Variants in PLPPR1 observed in about 807,000 individuals in gnomAD.
The protein encoded by PLPPR1 is phospholipid phosphatase-related protein type 1.
Under a neutral mutation model 33.1 loss-of-function variants are expected in PLPPR1, and 10 were observed. That is an observed-to-expected ratio of 0.30 (90% CI 0.19 to 0.51). The LOEUF (loss-of-function observed/expected upper bound fraction) is 0.51, where lower values mean the gene tolerates loss of function less well. PLPPR1 is among the 20% of genes least tolerant of loss of function. PLPPR1 has a pLI of 0.97. For missense variants in PLPPR1, 304 were observed against 408.1 expected (o/e 0.74, Z 2.20); for synonymous variants, 151 against 151.0 (o/e 1.00, Z 0.00).
chr9:101,071,139 T>A (rs771910505), intron 1 of PLPPR1, among the ~76,000 whole-genome samples: 47 of 152,212 alleles, frequency 3.1e-4, no homozygotes, highest in Non-Finnish European at 2.6e-4. Context: ...GGTGACAATG[T>A]CAGCCTGCCC....
chr9:101,231,951 A>T (rs937602552), intron 2 of PLPPR1, among the ~76,000 whole-genome samples: 1 of 152,036 alleles, frequency 6.6e-6, no homozygotes, highest in Non-Finnish European at 1.5e-5. Flanking sequence ...ATTCTTGATC[A>T]TCAAATTATG....
intron 2 of PLPPR1, among the ~76,000 whole-genome samples, chr9:101,246,099 T>TAG (rs1285268174): frequency 1.7e-3 from 188 of 109,962 alleles, no homozygotes; most frequent in Non-Finnish European, 2.5e-3. Context: ...TATATATATA[T>TAG]ATATATATAT....
At chr9:101,306,795 C>T (rs1459175708) in intron 4 of PLPPR1, among the ~76,000 whole-genome samples, 1 of 152,190 alleles carries the variant, frequency 6.6e-6, no homozygotes, top group Non-Finnish European at 1.5e-5. Flanking sequence ...TTTAAAACAT[C>T]TTCAAATCAT....
chr9:101,235,711 C>A (rs1827286267), intron 2 of PLPPR1, among the ~76,000 whole-genome samples: 1 of 151,764 alleles, frequency 6.6e-6, no homozygotes, highest in Non-Finnish European at 1.5e-5. Context: ...TGATAAATTT[C>A]TGAAAACCTT....
intron 2 of PLPPR1, among the ~76,000 whole-genome samples, chr9:101,247,296 A>G (rs551915260): frequency 3.4e-4 from 51 of 151,930 alleles, no homozygotes; most frequent in Non-Finnish European, 5.4e-4. Flanking sequence ...AGATTTTTCC[A>G]TGGGAGAGAA....
At chr9:101,029,260 A>T (rs1438523752) in intron 1 of PLPPR1, among the ~76,000 whole-genome samples, 158 bp downstream of exon 1, 1 of 152,220 alleles carries the variant, frequency 6.6e-6, no homozygotes. Context: ...GGGGCTGTGC[A>T]GAGGAGAGGA....
At chr9:101,302,064 T>C (rs1278691680) in intron 4 of PLPPR1, among the ~76,000 whole-genome samples, 1 of 152,212 alleles carries the variant, frequency 6.6e-6, no homozygotes, top group Non-Finnish European at 1.5e-5. Flanking sequence ...GCCTTACTAT[T>C]CTGTTTGTAA....
intron 1 of PLPPR1, among the ~76,000 whole-genome samples, chr9:101,079,110 T>C (rs1331588108): frequency 1.3e-5 from 2 of 152,236 alleles, no homozygotes; most frequent in African/African-American, 4.8e-5. Context: ...AAGCATCTAC[T>C]TTCCATGTTT....
At chr9:101,280,150 A>G (rs1394892696) in intron 3 of PLPPR1, among the ~76,000 whole-genome samples, 2 of 152,174 alleles carry the variant, frequency 1.3e-5, no homozygotes, top group African/African-American at 2.4e-5. Flanking sequence ...CTTAGAGACT[A>G]CTATGAGCAG....
At chr9:101,228,857 G>A (rs577191966) in intron 2 of PLPPR1, among the ~76,000 whole-genome samples, 1 of 152,210 alleles carries the variant, frequency 6.6e-6, no homozygotes, top group Admixed American at 6.6e-5. Context: ...AGACCAATAG[G>A]AAGTTAATAG....
At chr9:101,124,043 GTATTAT>G (rs904247618) in intron 1 of PLPPR1, among the ~76,000 whole-genome samples, 5 of 152,072 alleles carry the variant, frequency 3.3e-5, no homozygotes, top group Non-Finnish European at 7.4e-5. Context: ...AAAACAGAAG[GTATTAT>G]TATTACTATC....
intron 1 of PLPPR1, among the ~76,000 whole-genome samples, chr9:101,036,410 T>A (rs1053472582): frequency 6.6e-6 from 1 of 152,164 alleles, no homozygotes; most frequent in Non-Finnish European, 1.5e-5. Context: ...AAAAGCTCTA[T>A]CTGCCTGTCA....
chr9:101,173,933 C>T (rs141914905), intron 1 of PLPPR1, among the ~76,000 whole-genome samples: 6 of 152,152 alleles, frequency 3.9e-5, no homozygotes, highest in Admixed American at 2.6e-4. Flanking sequence ...GCAAGATCAA[C>T]AGTGACAGAG....
At position 101,260,807 on chromosome 9, in the gene PLPPR1, TAGAA is replaced by T. The variant is rs1441148563; in HGVS notation, c.64-9067_64-9064del. Among the ~76,000 whole-genome samples the T allele has an allele frequency of 7.2e-5, 11 of 152,024 alleles. 1 individual carries two copies. In the East Asian group the frequency reaches 2.1e-3, roughly 30 times the overall value. Reference sequence around the variant, plus strand: ...GATGAGATCTCCCTAGAAGAGAACATAGAAAGAAAATGACAAAGGGGTTAAAGAT... The same window carrying T: ...GATGAGATCTCCCTAGAAGAGAACATAGAAAATGACAAAGGGGTTAAAGAT... On this transcript the variant is annotated intron_variant, in intron 2 of 7. Coordinates refer to ENST00000374874, the MANE Select transcript of PLPPR1 (RefSeq NM_207299.2).
chr9:101,289,188 C>T (rs955019233), intron 4 of PLPPR1, among the ~76,000 whole-genome samples: 2 of 152,192 alleles, frequency 1.3e-5, no homozygotes, highest in African/African-American at 4.8e-5. Context: ...TACCCCTTCA[C>T]TTTACAAGCT....
chr9:101,245,217 A>G (rs938608123), intron 2 of PLPPR1, among the ~76,000 whole-genome samples: 2 of 152,072 alleles, frequency 1.3e-5, no homozygotes, highest in African/African-American at 4.8e-5. Context: ...CATGATCAAG[A>G]TAATTCATAG....
intron 2 of PLPPR1, among the ~76,000 whole-genome samples, chr9:101,190,144 C>A (rs112278089): frequency 6.6e-6 from 1 of 152,104 alleles, no homozygotes; most frequent in Non-Finnish European, 1.5e-5. Context: ...TTGATCTTTC[C>A]TTGTAGTCTT....
intron 4 of PLPPR1, among the ~76,000 whole-genome samples, chr9:101,294,013 G>T (rs1828569673): frequency 6.6e-6 from 1 of 152,112 alleles, no homozygotes; most frequent in Non-Finnish European, 1.5e-5. Context: ...ATGAATCCAG[G>T]AGCTGATTTT....
chr9:101,121,984 G>A (rs761657226), intron 1 of PLPPR1, among the ~76,000 whole-genome samples: 3 of 152,188 alleles, frequency 2.0e-5, no homozygotes, highest in Non-Finnish European at 4.4e-5. Context: ...GCCACACCAA[G>A]GAACATGGAG....
Sources: gnomAD v4.1 joint callset for allele counts (sites outside exome capture counted in the v4.1 genomes callset) on GRCh38, gnomAD v4.1.1 for gene constraint, MANE v1.5 for transcripts, NCBI Gene and HGNC (gene_info 2026-07-23, HGNC 2026-07-21) for gene names.